The following NLRP12 variants were observed in gnomAD, a reference collection of about 807,000 sequenced individuals.
The protein encoded by NLRP12 is NLR family pyrin domain containing 12, also known as NACHT, LRR and PYD domains-containing protein 12.
In NLRP12, 108 loss-of-function variants were observed where a neutral mutation model predicts 91.2. The observed-to-expected ratio is 1.18, with a 90% CI of 1.01 to 1.39. The LOEUF (loss-of-function observed/expected upper bound fraction) is 1.39, where lower values mean the gene tolerates loss of function less well. Among genes scored for constraint, NLRP12 ranks in the 40% most tolerant of loss-of-function variants. The pLI, the probability that NLRP12 is intolerant of heterozygous loss-of-function variation, is 0.00. For missense variants in NLRP12, 1,530 were observed against 1,352.7 expected (o/e 1.13, Z -2.06); for synonymous variants, 613 against 566.7 (o/e 1.08, Z -1.16).
At chr19:53,822,858 C>T (rs1261043025) in intron 1 of NLRP12, among the ~76,000 whole-genome samples, 1 of 151,836 alleles carries the variant, frequency 6.6e-6, no homozygotes, top group Non-Finnish European at 1.5e-5. Flanking sequence ...ATCTCCACCT[C>T]TCAGGTTCAA....
chr19:53,815,091 AC>A (rs2092136971), intron 1 of NLRP12, 103 bp from the exon 2 acceptor site: 1 of 863,766 alleles, frequency 1.2e-6, no homozygotes, highest in Admixed American at 1.8e-5. Flanking sequence ...CTCCCTGGTC[AC>A]CCGCACCCCA....
At chr19:53,813,038 AC>A (rs1453475315) in intron 2 of NLRP12, among the ~76,000 whole-genome samples, 2 of 150,656 alleles carry the variant, frequency 1.3e-5, no homozygotes, top group African/African-American at 2.4e-5. Flanking sequence ...TCGCCACCAC[AC>A]CCAGCTGATT....
chr19:53,811,653 A>G (rs987610269), intron 2 of NLRP12, among the ~76,000 whole-genome samples: 1 of 148,550 alleles, frequency 6.7e-6, no homozygotes, highest in African/African-American at 2.5e-5. Context: ...TGCAACATCC[A>G]CCTCCTGGGT....
chr19:53,807,872 T>G (rs2122639526), intron 3 of NLRP12: 1 of 561,056 alleles, frequency 1.8e-6, no homozygotes, highest in African/African-American at 1.9e-5. Flanking sequence ...TGCCTCAGCC[T>G]CCAGAGTAGC....
intron 2 of NLRP12, among the ~76,000 whole-genome samples, chr19:53,813,723 C>G (rs991748179): frequency 1.3e-5 from 2 of 151,452 alleles, no homozygotes; most frequent in African/African-American, 4.9e-5. Flanking sequence ...GTCTTTCTCA[C>G]TCCCCCCAGG....
chr19:53,801,192 G>T, intron 7 of NLRP12, 35 bp downstream of exon 7: 1 of 1,604,610 alleles, frequency 6.2e-7, no homozygotes, highest in Middle Eastern at 1.7e-4. Context: ...TTCATGGATT[G>T]GGACTCCTAG....
intron 7 of NLRP12, among the ~76,000 whole-genome samples, chr19:53,798,638 A>G (rs1206926889): frequency 6.6e-6 from 1 of 152,218 alleles, no homozygotes; most frequent in Non-Finnish European, 1.5e-5. Context: ...GCCCTGGCTC[A>G]TGCCTGTCAT....
intron 2 of NLRP12, among the ~76,000 whole-genome samples, chr19:53,814,604 G>A (rs1191161147): frequency 1.3e-5 from 2 of 152,110 alleles, no homozygotes; most frequent in East Asian, 1.9e-4. Context: ...GCCCGCTTTG[G>A]CCTCCCAAAG....
rs1261691848 is a variant in NLRP12 at position 53,805,319 on chromosome 19, T to TTGGGGATGC, written c.2374_2375insGCATCCCCA (p.Glu792delinsGlyIleProLys). On this transcript the variant is annotated protein_altering_variant, in exon 5 of 10. Coordinates refer to ENST00000324134, the MANE Select transcript of NLRP12 (RefSeq NM_144687.4). ...CCTGCACTGGGGATGCCGCAGGCCC[T>TTGGGGATGC]CGCAAAGCAGCATCATGCCTGGGAA... 3 of 1,613,986 alleles carry TTGGGGATGC rather than the reference T, an allele frequency of 1.9e-6. No individual in the cohort carries two copies. In the African/African-American group the frequency reaches 4.0e-5, roughly 22 times the overall value.
chr19:53,806,396 T>G (rs368952072), intron 4 of NLRP12, among the ~76,000 whole-genome samples: 56 of 151,518 alleles, frequency 3.7e-4, no homozygotes, highest in South Asian at 2.9e-3. Flanking sequence ...AAAATTAGCC[T>G]GGTGTGGCTG....
At chr19:53,819,563 A>ATATACGCG (rs1482456921) in intron 1 of NLRP12, among the ~76,000 whole-genome samples, 10 of 95,976 alleles carry the variant, frequency 1.0e-4, no homozygotes, top group Non-Finnish European at 1.9e-4. Context: ...ATGTATACGT[A>ATATACGCG]TATATATGCG....
At chr19:53,794,783 T>C (rs9783967) in intron 9 of NLRP12, among the ~76,000 whole-genome samples, 81,535 of 150,454 alleles carry the variant, frequency 0.54, 22,459 homozygotes, top group South Asian at 0.62. Context: ...TCTCCTGCCT[T>C]AGCCTCCCAA....
At chr19:53,795,380 AT>A (rs71304175) in intron 9 of NLRP12, among the ~76,000 whole-genome samples, 13 of 147,778 alleles carry the variant, frequency 8.8e-5, no homozygotes, top group Non-Finnish European at 1.3e-4. Flanking sequence ...AGACAAGGAA[AT>A]TTTTTTTTTT....
chr19:53,804,205 T>A, intron 5 of NLRP12, 83 bp from the exon 6 acceptor site: 1 of 1,476,802 alleles, frequency 6.8e-7, no homozygotes, highest in Non-Finnish European at 9.3e-7. Flanking sequence ...GTTATTTTAT[T>A]ATTTAGGAAC....
At chr19:53,797,882 G>A (rs1441499099) in intron 8 of NLRP12, among the ~76,000 whole-genome samples, 1 of 151,766 alleles carries the variant, frequency 6.6e-6, no homozygotes, top group Non-Finnish European at 1.5e-5. Context: ...CGGATTACAG[G>A]CATGTGCCAC....
intron 1 of NLRP12, among the ~76,000 whole-genome samples, chr19:53,823,634 G>A (rs1335567203): frequency 6.6e-6 from 1 of 150,586 alleles, no homozygotes; most frequent in Non-Finnish European, 1.5e-5. Flanking sequence ...CCGCAGCCTC[G>A]ACCTTCTGGT....
At chr19:53,805,034 G>A (rs534367142) in intron 5 of NLRP12, among the ~76,000 whole-genome samples, 1 of 152,058 alleles carries the variant, frequency 6.6e-6, no homozygotes, top group East Asian at 2.0e-4. Context: ...CGTCTCGGGA[G>A]AAAAAAAGAA....
At position 53,819,640 on chromosome 19, in the gene NLRP12, T is replaced by G. The variant is rs1190692071; in HGVS notation, c.289+4246A>C. On this transcript the variant is annotated intron_variant, in intron 1 of 9. Coordinates refer to ENST00000324134, the MANE Select transcript of NLRP12 (RefSeq NM_144687.4). ...ATACGTATATACGCGTATATATGTA[T>G]GTATACGTATATATATACACATGTA... Among the ~76,000 whole-genome samples, 5 of 144,520 alleles carry G rather than the reference T, an allele frequency of 3.5e-5. 1 individual carries two copies. Among genetic ancestry groups the G allele is most frequent in the Admixed American group, 2.1e-4 (3 of 14,132 alleles). 94.8% of individuals were successfully genotyped at this position (144,520 alleles called of 152,430 possible). A position where few individuals can be genotyped will look rare whatever the true frequency, so the allele number is the denominator to read the frequency against.
At position 53,809,422 on chromosome 19, in the gene NLRP12, T is replaced by C. The variant is rs183875436; in HGVS notation, c.2072+165A>G. ...GGCGTGCACCTGTAGTCCCAGCTACTTGGGAGGCTGAAGCAGGAGAATCTC... is the reference window on the plus strand; with the variant it reads ...GGCGTGCACCTGTAGTCCCAGCTACCTGGGAGGCTGAAGCAGGAGAATCTC... On this transcript the variant is annotated intron_variant, in intron 3 of 9. Coordinates refer to ENST00000324134, the MANE Select transcript of NLRP12 (RefSeq NM_144687.4). 3.4e-3 allele frequency among the ~76,000 whole-genome samples: 477 copies of C among 141,770 alleles called. 1 individual carries two copies. The highest frequency in any genetic ancestry group is 0.011 in the African/African-American group (448 of 39,334). 93.0% of individuals were successfully genotyped at this position (141,770 alleles called of 152,430 possible).
Sources: allele counts gnomAD v4.1 joint callset (sites outside exome capture counted in the v4.1 genomes callset), GRCh38; gene constraint gnomAD v4.1.1; transcripts MANE v1.5; gene names NCBI Gene and HGNC (gene_info 2026-07-23, HGNC 2026-07-21).